SLC4A4: variants seen among roughly 807,000 people sequenced by gnomAD.
The protein encoded by SLC4A4 is electrogenic sodium bicarbonate cotransporter 1.
SLC4A4 carries 27 observed loss-of-function variants against 111.5 expected under a neutral mutation model. That is an observed-to-expected ratio of 0.24 (90% CI 0.18 to 0.33). The LOEUF (loss-of-function observed/expected upper bound fraction) is 0.33, where lower values mean the gene tolerates loss of function less well. SLC4A4 is among the 10% of genes least tolerant of loss of function. The pLI, the probability that SLC4A4 is intolerant of heterozygous loss-of-function variation, is 1.00. For synonymous variants in SLC4A4, 443 were observed against 463.4 expected (o/e 0.96, Z 0.57); for missense variants, 909 against 1,315.5 (o/e 0.69, Z 4.78).
intron 6 of SLC4A4, among the ~76,000 whole-genome samples, chr4:71,384,571 G>A (rs1718481007): frequency 6.6e-6 from 1 of 150,966 alleles, no homozygotes; most frequent in Non-Finnish European, 1.5e-5. Flanking sequence ...GAACCCAGGA[G>A]GTTGCAGTGA....
chr4:71,173,901 A>G (rs1034768496), intron 2 of SLC4A4, among the ~76,000 whole-genome samples: 1 of 152,230 alleles, frequency 6.6e-6, no homozygotes, highest in Non-Finnish European at 1.5e-5. Flanking sequence ...CACTACTAAC[A>G]AGGGGATTTT....
In SLC4A4 at chr4:71,249,831, C is replaced by T. The variant is rs571032965; in HGVS notation, c.74-5389C>T. 1.1e-4 allele frequency among the ~76,000 whole-genome samples: 17 copies of T among 151,908 alleles called. No individual in the cohort carries two copies. In the East Asian group the frequency reaches 3.3e-3, roughly 30 times the overall value. Reference sequence around the variant, plus strand: ...CTGGGGAGGCAGAGGCTGCAGTGAGCCGAGATCGTGCTACTGCACTCCAGC... The same window carrying T: ...CTGGGGAGGCAGAGGCTGCAGTGAGTCGAGATCGTGCTACTGCACTCCAGC... On this transcript the variant is annotated intron_variant, in intron 2 of 25. Coordinates refer to ENST00000264485, the MANE Select transcript of SLC4A4 (RefSeq NM_001098484.3).
chr4:71,167,473 C>T (rs990038816), intron 2 of SLC4A4, among the ~76,000 whole-genome samples: 3 of 151,968 alleles, frequency 2.0e-5, no homozygotes, highest in Non-Finnish European at 4.4e-5. Flanking sequence ...AGGGGAGTGG[C>T]GAGGTCACAT....
At chr4:71,108,156 A>T (rs188144480) in intron 2 of SLC4A4, among the ~76,000 whole-genome samples, 1 of 152,324 alleles carries the variant, frequency 6.6e-6, no homozygotes, top group Non-Finnish European at 1.5e-5. Flanking sequence ...TTAAAAATGA[A>T]TCTCCTAAAT....
intron 17 of SLC4A4, 141 bp downstream of exon 17, chr4:71,532,316 A>G (rs954902864): frequency 3.0e-6 from 2 of 676,356 alleles, no homozygotes; most frequent in African/African-American, 3.6e-5. Flanking sequence ...TCTTAGGCTC[A>G]TATATACATG....
At chr4:71,073,331 G>C (rs1435162820) in intron 1 of SLC4A4, among the ~76,000 whole-genome samples, 1 of 151,938 alleles carries the variant, frequency 6.6e-6, no homozygotes, top group Non-Finnish European at 1.5e-5. Context: ...TGGTGAGAGC[G>C]GTCATCTTTG....
intron 3 of SLC4A4, among the ~76,000 whole-genome samples, chr4:71,334,473 TG>T (rs1377929296): frequency 6.6e-6 from 1 of 152,006 alleles, no homozygotes; most frequent in East Asian, 1.9e-4. Context: ...TGCTTGGAGT[TG>T]GGGGAGAGGT....
At chr4:71,508,818 A>G (rs931497061) in intron 16 of SLC4A4, among the ~76,000 whole-genome samples, 1 of 152,212 alleles carries the variant, frequency 6.6e-6, no homozygotes, top group African/African-American at 2.4e-5. Flanking sequence ...TGAGAAGTTT[A>G]GCCAGTATCC....
At chr4:71,332,782 T>G (rs1446953521) in intron 3 of SLC4A4, among the ~76,000 whole-genome samples, 1 of 152,088 alleles carries the variant, frequency 6.6e-6, no homozygotes, top group Non-Finnish European at 1.5e-5. Flanking sequence ...TTCTTCTGCT[T>G]AAGTCTGCTG....
At chr4:71,088,253 CTTGGTAGATCTTCCTCCATCCCT>C (rs1742254944) in intron 1 of SLC4A4, among the ~76,000 whole-genome samples, 1 of 148,366 alleles carries the variant, frequency 6.7e-6, no homozygotes, top group African/African-American at 2.5e-5. Flanking sequence ...TTTCCATTTG[CTTGGTAGATCTTCCTCCATCCCT>C]TTATTTTGAG....
intron 19 of SLC4A4, among the ~76,000 whole-genome samples, chr4:71,546,900 G>T (rs1359756795): frequency 6.6e-6 from 1 of 151,938 alleles, no homozygotes; most frequent in Non-Finnish European, 1.5e-5. Flanking sequence ...AATGGGAAAG[G>T]TATTCTTATT....
In SLC4A4 at chr4:71,466,469, C is replaced by T; in HGVS notation, c.1523C>T (p.Thr508Ile). The T allele has an allele frequency of 6.2e-7, 1 of 1,613,670 alleles. No homozygotes were observed. The highest frequency in any genetic ancestry group is 8.5e-7 in the Non-Finnish European group (1 of 1,179,690). ...MQGVLESFLGTAVSGAIFCLF... is the reference protein window; with the variant it reads ...MQGVLESFLGIAVSGAIFCLF... ...GGCGTGTTGGAGAGTTTCCTGGGCA[C>T]TGCTGTCTCTGGAGCCATCTTTTGC... is the stretch of plus-strand genomic sequence containing the variant. Residue 508 changes from threonine (T) to isoleucine (I), a missense_variant, in exon 13 of 26, where the codon ACT becomes ATT. Thr to Ile is a moderately conservative substitution (Grantham distance 89, BLOSUM62 -1). Coordinates refer to ENST00000264485, the MANE Select transcript of SLC4A4 (RefSeq NM_001098484.3).
chr4:71,493,618 A>G (rs1042910270), intron 15 of SLC4A4, among the ~76,000 whole-genome samples: 1 of 151,616 alleles, frequency 6.6e-6, no homozygotes, highest in Non-Finnish European at 1.5e-5. Context: ...CAAAACAGTT[A>G]CTAAGTCCTG....
chr4:71,300,513 G>T, intron 3 of SLC4A4: 1 of 249,910 alleles, frequency 4.0e-6, no homozygotes, highest in Non-Finnish European at 8.2e-6. Flanking sequence ...GGAGGCCTGG[G>T]CCGGGGCCAC....
At chr4:71,224,530 CA>C (rs1718938698) in intron 1 of SLC4A4, among the ~76,000 whole-genome samples, 1 of 152,108 alleles carries the variant, frequency 6.6e-6, no homozygotes, top group African/African-American at 2.4e-5. Flanking sequence ...GTGATAAAAA[CA>C]GTACAAATCT....
At chr4:71,072,306 C>T (rs1019158249) in intron 1 of SLC4A4, among the ~76,000 whole-genome samples, 22 of 152,054 alleles carry the variant, frequency 1.4e-4, no homozygotes, top group African/African-American at 5.3e-4. Context: ...TGTTGTTGTT[C>T]CCAAACCATA....
intron 3 of SLC4A4, among the ~76,000 whole-genome samples, chr4:71,257,261 G>T (rs1040894316): frequency 6.6e-6 from 1 of 152,146 alleles, no homozygotes; most frequent in African/African-American, 2.4e-5. Flanking sequence ...CTGGTTTTCT[G>T]AAGGGATCCT....
At chr4:71,557,237 A>G (rs1354418437) in intron 21 of SLC4A4, among the ~76,000 whole-genome samples, 2 of 151,954 alleles carry the variant, frequency 1.3e-5, no homozygotes, top group Non-Finnish European at 2.9e-5. Context: ...TTTAAGTTGG[A>G]TACTTCCTTT....
At chr4:71,300,961 C>A (rs531002592) in intron 3 of SLC4A4, 2 of 513,442 alleles carry the variant, frequency 3.9e-6, no homozygotes, top group Admixed American at 2.0e-5. Context: ...TAGATCAGGG[C>A]TGATCATGTG....
Sources: gnomAD v4.1 joint callset for allele counts (sites outside exome capture counted in the v4.1 genomes callset) on GRCh38, gnomAD v4.1.1 for gene constraint, MANE v1.5 for transcripts, NCBI Gene and HGNC (gene_info 2026-07-23, HGNC 2026-07-21) for gene names.